Variants in KCNT2 observed in about 807,000 individuals in gnomAD.
KCNT2 encodes potassium channel subfamily T member 2.
A neutral mutation model predicts 153.8 loss-of-function variants in KCNT2; 67 were observed. The ratio of observed to expected loss-of-function variants is 0.44; its 90% CI spans 0.36 to 0.53. KCNT2 has a LOEUF of 0.53. KCNT2 is among the 20% of genes least tolerant of loss of function. The pLI, the probability that KCNT2 is intolerant of heterozygous loss-of-function variation, is 0.00. For synonymous variants in KCNT2, 500 were observed against 458.8 expected, an observed-to-expected ratio of 1.09 and a Z score of -1.15; for missense variants, 975 against 1,354.8, an observed-to-expected ratio of 0.72 and a Z score of 4.40.
chr1:196,326,881 T>C lies in KCNT2; in HGVS notation c.2112A>G (p.Gln704=), dbSNP rs374821104. The change falls in exon 19 of 28, where the codon CAA becomes CAG. Residue 704 remains glutamine (Q), a synonymous_variant. Coordinates refer to ENST00000294725, the MANE Select transcript of KCNT2 (RefSeq NM_198503.5). The stretch of plus-strand genomic sequence containing the variant: ...CTTTTGCATCCTCATAGTAGTTATG[T>C]TGGCAACTCTAGAGAAGAGAAAGTA... The part of the protein sequence containing the change: ...FCCLRLDKSC[Q]HNYYEDAKAY... 2.1e-4 allele frequency: 320 copies of C among 1,559,518 alleles called. 1 individual carries two copies. The Middle Eastern group carries it at 2.3e-3, about 11-fold the overall frequency.
rs539402284 is a variant in KCNT2 at position 196,283,258 on chromosome 1, G to A, written c.2698-902C>T. Among the ~76,000 whole-genome samples the A allele has an allele frequency of 9.2e-4, 140 of 152,160 alleles. 1 individual carries two copies. The highest frequency in any genetic ancestry group is 3.4e-3 in the Middle Eastern group (1 of 294). ...AGATCGAGACCAGCATGGCTAACACGGTGAAACCTTGTCTCCACTAAAAAT... is the reference window on the plus strand; with the variant it reads ...AGATCGAGACCAGCATGGCTAACACAGTGAAACCTTGTCTCCACTAAAAAT... On this transcript the variant is annotated intron_variant, in intron 23 of 27. Coordinates refer to ENST00000294725, the MANE Select transcript of KCNT2 (RefSeq NM_198503.5).
At chr1:196,246,175 A>G (rs887200084) in intron 26 of KCNT2, among the ~76,000 whole-genome samples, 2 of 152,196 alleles carry the variant, frequency 1.3e-5, no homozygotes, top group Non-Finnish European at 2.9e-5. Flanking sequence ...ACAGGCCAGG[A>G]GACAGTGGCA....
chr1:196,429,874 T>C, intron 8 of KCNT2, 117 bp from the exon 9 acceptor site: 2 of 608,548 alleles, frequency 3.3e-6, no homozygotes, highest in Non-Finnish European at 2.8e-6. Context: ...GTCCCTCTTA[T>C]ATTTTACAAT....
At chr1:196,307,559 C>T (rs1458402839) in intron 21 of KCNT2, among the ~76,000 whole-genome samples, 1 of 152,068 alleles carries the variant, frequency 6.6e-6, no homozygotes, top group African/African-American at 2.4e-5. Context: ...TCTCAAGTGA[C>T]TATAACCTTA....
chr1:196,319,687 T>C (rs1663092248), intron 19 of KCNT2, 132 bp from the exon 20 acceptor site: 2 of 481,578 alleles, frequency 4.2e-6, no homozygotes, highest in Non-Finnish European at 7.5e-6. Flanking sequence ...TTTTCAGTGC[T>C]TTTTTTTCTT....
intron 23 of KCNT2, among the ~76,000 whole-genome samples, chr1:196,284,320 G>A (rs567348882): frequency 1.7e-5 from 2 of 118,282 alleles, no homozygotes; most frequent in South Asian, 6.0e-4. Context: ...AGAAAATCAT[G>A]CAATTTCCTG....
At chr1:196,310,132 A>G (rs1324608616) in intron 21 of KCNT2, among the ~76,000 whole-genome samples, 1 of 151,892 alleles carries the variant, frequency 6.6e-6, no homozygotes, top group Non-Finnish European at 1.5e-5. Context: ...ACACAAATAT[A>G]AGAATATTGG....
intron 10 of KCNT2, among the ~76,000 whole-genome samples, chr1:196,426,369 T>TC (rs1324456544): frequency 6.6e-6 from 1 of 152,058 alleles, no homozygotes; most frequent in Non-Finnish European, 1.5e-5. Context: ...AATTCATACT[T>TC]CATTACTTTT....
At chr1:196,301,681 A>G (rs1354207146) in intron 22 of KCNT2, among the ~76,000 whole-genome samples, 2 of 152,198 alleles carry the variant, frequency 1.3e-5, no homozygotes, top group Non-Finnish European at 2.9e-5. Context: ...AAGACCACTT[A>G]GTAGCAAAAT....
intron 23 of KCNT2, among the ~76,000 whole-genome samples, chr1:196,284,248 A>AAAAAAAAATATATATATATATAT: frequency 3.0e-4 from 3 of 10,046 alleles, no homozygotes; most frequent in Non-Finnish European, 5.3e-4. Context: ...AAAAAAAAAA[A>AAAAAAAAATATATATATATATAT]ATATATATAT....
chr1:196,318,232 G>T (rs1018354649), intron 20 of KCNT2, among the ~76,000 whole-genome samples: 1 of 151,652 alleles, frequency 6.6e-6, no homozygotes, highest in Non-Finnish European at 1.5e-5. Flanking sequence ...TGTGAAGTAC[G>T]TAAGTGTAAA....
chr1:196,451,217 C>CTATTTTTTT (rs1676135727), intron 8 of KCNT2, among the ~76,000 whole-genome samples: 2 of 63,552 alleles, frequency 3.1e-5, no homozygotes, highest in African/African-American at 9.4e-5. Flanking sequence ...ATCCCTCTTT[C>CTATTTTTTT]TTTTTTTTTT....
At chr1:196,313,266 G>C (rs917614455) in intron 21 of KCNT2, among the ~76,000 whole-genome samples, 1 of 151,594 alleles carries the variant, frequency 6.6e-6, no homozygotes, top group Admixed American at 6.6e-5. Context: ...TAGAAAATGA[G>C]TAGCACTACT....
At chr1:196,443,579 T>A (rs1411084632) in intron 8 of KCNT2, among the ~76,000 whole-genome samples, 3 of 151,558 alleles carry the variant, frequency 2.0e-5, no homozygotes, top group African/African-American at 7.2e-5. Flanking sequence ...GAAAATGTAC[T>A]AAAGGCAGGT....
chr1:196,284,248 A>AAAAAAAAAAATATATAT, intron 23 of KCNT2, among the ~76,000 whole-genome samples: 1 of 10,050 alleles, frequency 1.0e-4, no homozygotes, highest in African/African-American at 1.4e-4. Flanking sequence ...AAAAAAAAAA[A>AAAAAAAAAAATATATAT]ATATATATAT....
At chr1:196,414,036 G>A (rs1465239820) in intron 12 of KCNT2, among the ~76,000 whole-genome samples, 3 of 151,358 alleles carry the variant, frequency 2.0e-5, no homozygotes, top group Non-Finnish European at 4.4e-5. Flanking sequence ...CAAATAGTGT[G>A]CAATCAATGT....
At chr1:196,336,873 G>A (rs1338300780) in intron 16 of KCNT2, among the ~76,000 whole-genome samples, 3 of 152,122 alleles carry the variant, frequency 2.0e-5, no homozygotes, top group Non-Finnish European at 4.4e-5. Context: ...TTTCCTACTA[G>A]CCTGCCAGTA....
intron 1 of KCNT2, among the ~76,000 whole-genome samples, chr1:196,568,212 G>C (rs1016821674): frequency 6.6e-5 from 10 of 152,126 alleles, no homozygotes; most frequent in Admixed American, 2.0e-4. Flanking sequence ...TTCCACCCCA[G>C]ATCATCAGGC....
At chr1:196,394,812 C>A (rs780028011) in intron 13 of KCNT2, among the ~76,000 whole-genome samples, 1 of 151,392 alleles carries the variant, frequency 6.6e-6, no homozygotes, top group Non-Finnish European at 1.5e-5. Context: ...AGCTTCACTG[C>A]CATTTTTATG....
Sources: gnomAD v4.1 joint callset for allele counts (sites outside exome capture counted in the v4.1 genomes callset) on GRCh38, gnomAD v4.1.1 for gene constraint, MANE v1.5 for transcripts, NCBI Gene and HGNC (gene_info 2026-07-23, HGNC 2026-07-21) for gene names.